DNAH6: variants seen among roughly 807,000 people sequenced by gnomAD.
DNAH6 encodes the protein axonemal beta dynein heavy chain 6.
DNAH6 carries 340 observed loss-of-function variants against 491.4 expected under a neutral mutation model. The ratio of observed to expected loss-of-function variants is 0.69; its 90% confidence interval spans 0.63 to 0.76. DNAH6 has a LOEUF of 0.76. Ranked by LOEUF, DNAH6 falls within the 30% of genes least tolerant of loss-of-function variation. The pLI is 0.00. For synonymous variants in DNAH6, 1,603 were observed against 1,686.1 expected (o/e 0.95, Z 1.21); for missense variants, 4,443 against 4,972.2 (o/e 0.89, Z 3.20).
At chr2:84,496,369 A>G in the DNAH6 span, among the ~76,000 whole-genome samples, 1 of 152,206 alleles carries the variant, frequency 6.6e-6, no homozygotes, top group African/African-American at 2.4e-5. Flanking sequence ...TCTCCTAAAT[A>G]TTTATGTTTT....
intron 68 of DNAH6, among the ~76,000 whole-genome samples, chr2:84,794,556 A>G (rs1678127592): frequency 6.6e-6 from 1 of 151,360 alleles, no homozygotes; most frequent in South Asian, 2.1e-4. Context: ...ACATTTATGC[A>G]GCCAAAAAAC....
intron 67 of DNAH6, among the ~76,000 whole-genome samples, chr2:84,786,464 A>G (rs1179534975): frequency 6.6e-6 from 1 of 151,802 alleles, no homozygotes; most frequent in African/African-American, 2.4e-5. Flanking sequence ...GCCAGATATA[A>G]GATAAATAGG....
chr2:84,556,689 T>C (rs1680055971), intron 10 of DNAH6, among the ~76,000 whole-genome samples: 2 of 152,202 alleles, frequency 1.3e-5, no homozygotes, highest in African/African-American at 4.8e-5. Context: ...TATGCTTCTG[T>C]CCAGTCTTGT....
chr2:84,624,676 G>A (rs1160561064), intron 28 of DNAH6, 56 bp downstream of exon 28: 1 of 1,502,640 alleles, frequency 6.7e-7, no homozygotes, highest in Admixed American at 2.2e-5. Context: ...TCAATCAAAA[G>A]TCTTGAAAAG....
intron 31 of DNAH6, among the ~76,000 whole-genome samples, chr2:84,637,614 A>G (rs1689005699): frequency 6.6e-6 from 1 of 152,220 alleles, no homozygotes; most frequent in Non-Finnish European, 1.5e-5. Context: ...AAAACTGGAA[A>G]GAATCAATGA....
At chr2:84,672,285 G>GA (rs755344126) in intron 39 of DNAH6, 42 bp from the exon 40 acceptor site, 19 of 1,531,392 alleles carry the variant, frequency 1.2e-5, no homozygotes, top group Non-Finnish European at 1.6e-5. Flanking sequence ...TTTTCTAAGG[G>GA]AAAATCATAA....
At chr2:84,717,760 T>C (rs1194649140) in intron 58 of DNAH6, among the ~76,000 whole-genome samples, 1 of 152,202 alleles carries the variant, frequency 6.6e-6, no homozygotes, top group Non-Finnish European at 1.5e-5. Flanking sequence ...TCCTTTCTCA[T>C]ATGCAATCAA....
intron 35 of DNAH6, among the ~76,000 whole-genome samples, chr2:84,657,091 C>G (rs934014789): frequency 2.0e-5 from 3 of 151,926 alleles, no homozygotes; most frequent in Non-Finnish European, 4.4e-5. Context: ...AAAGACTGTC[C>G]TTTCTCCATC....
chr2:84,524,075 G>A (rs1158663305), intron 2 of DNAH6, among the ~76,000 whole-genome samples: 1 of 151,984 alleles, frequency 6.6e-6, no homozygotes, highest in Non-Finnish European at 1.5e-5. Context: ...TGTTCTTTGG[G>A]AGCTAAGTCA....
chr2:84,669,560 A>G (rs1278247068), intron 38 of DNAH6, 50 bp downstream of exon 38: 4 of 1,437,190 alleles, frequency 2.8e-6, no homozygotes, highest in Admixed American at 3.9e-5. Flanking sequence ...TGAGGGCATG[A>G]TGGACTTAGA....
At chr2:84,550,825 TA>T (rs1454526936) in intron 9 of DNAH6, among the ~76,000 whole-genome samples, 2 of 152,060 alleles carry the variant, frequency 1.3e-5, no homozygotes, top group Non-Finnish European at 2.9e-5. Flanking sequence ...GTGGTATAAA[TA>T]AAAGAGATAA....
chr2:84,646,409 C>G (rs1689902299), intron 33 of DNAH6, among the ~76,000 whole-genome samples: 1 of 152,148 alleles, frequency 6.6e-6, no homozygotes, highest in African/African-American at 2.4e-5. Flanking sequence ...AGTCACACAC[C>G]TCTCACCTTA....
chr2:84,511,826 GA>G (rs564122643), upstream of DNAH6, among the ~76,000 whole-genome samples: 275 of 152,136 alleles, frequency 1.8e-3, no homozygotes, highest in African/African-American at 6.4e-3. Context: ...TTACATTTAT[GA>G]TTTTTTTATG....
the DNAH6 span, among the ~76,000 whole-genome samples, chr2:84,466,888 A>T: frequency 5.9e-5 from 9 of 152,270 alleles, no homozygotes; most frequent in African/African-American, 2.2e-4. Context: ...CAAAACAACA[A>T]TTATAATCAT....
the DNAH6 span, among the ~76,000 whole-genome samples, chr2:84,479,278 T>C: frequency 6.6e-6 from 1 of 152,216 alleles, no homozygotes; most frequent in Non-Finnish European, 1.5e-5. Flanking sequence ...AGTATTAGAC[T>C]TTTCGGCTTG....
the DNAH6 span, among the ~76,000 whole-genome samples, chr2:84,491,803 A>G: frequency 9.1e-3 from 1,387 of 152,228 alleles, 12 homozygotes; most frequent in African/African-American, 0.031. Flanking sequence ...ATTTTCTAAC[A>G]GTCTTTAGTT....
intron 63 of DNAH6, among the ~76,000 whole-genome samples, chr2:84,747,720 C>A (rs938885467): frequency 5.3e-5 from 8 of 152,198 alleles, no homozygotes; most frequent in African/African-American, 1.9e-4. Context: ...CTAGTAGGGT[C>A]TCTCTATGGG....
At chr2:84,669,872 C>T (rs1419413446) in intron 38 of DNAH6, among the ~76,000 whole-genome samples, 1 of 152,204 alleles carries the variant, frequency 6.6e-6, no homozygotes, top group Non-Finnish European at 1.5e-5. Flanking sequence ...CTCATCCCCT[C>T]TGGCCTGTTC....
rs1672845471 is a variant in DNAH6 at position 84,745,152 on chromosome 2, T to C, written c.10415T>C (p.Met3472Thr). ...AAAATGAAACACGAAGATAAACACA[T>C]GAGACAGGAAAAGGAGGCAGCACAC... is the stretch of plus-strand genomic sequence containing the variant. Reference protein sequence around the residue: ...YSKMKHEDKHMRQEKEAAHQD... With the variant: ...YSKMKHEDKHTRQEKEAAHQD... The change falls in exon 63 of 77, where the codon ATG becomes ACG. Residue 3472 changes from methionine to threonine, a missense_variant. Physicochemically the swap from Met to Thr is moderately conservative, Grantham distance 81. Coordinates refer to ENST00000389394, the MANE Select transcript of DNAH6 (RefSeq NM_001370.2). 1.3e-6 allele frequency: 2 copies of C among 1,549,288 alleles called. No homozygotes were observed. Among genetic ancestry groups the C allele is most frequent in the South Asian group, 1.2e-5 (1 of 83,778 alleles).
Sources: allele counts gnomAD v4.1 joint callset (sites outside exome capture counted in the v4.1 genomes callset), GRCh38; gene constraint gnomAD v4.1.1; transcripts MANE v1.5; gene names NCBI Gene and HGNC (gene_info 2026-07-23, HGNC 2026-07-21).